The following ROR1 variants were observed in gnomAD, a reference collection of about 807,000 sequenced individuals.
The protein encoded by ROR1 is ROR family WNT receptor 1.
Under a neutral mutation model 78.8 loss-of-function variants are expected in ROR1, and 19 were observed. That is an observed-to-expected ratio of 0.24 (90% confidence interval 0.17 to 0.35). The LOEUF is 0.35. Ranked by LOEUF, ROR1 falls within the 10% of genes least tolerant of loss-of-function variation. ROR1 has a pLI of 1.00. For missense variants in ROR1, 917 were observed against 1,177.8 expected, an observed-to-expected ratio of 0.78 and a Z score of 3.24; for synonymous variants, 386 against 433.6, an observed-to-expected ratio of 0.89 and a Z score of 1.36.
At chr1:63,936,186 C>T (rs1645793135) in intron 1 of ROR1, among the ~76,000 whole-genome samples, 1 of 152,216 alleles carries the variant, frequency 6.6e-6, no homozygotes, top group Admixed American at 6.5e-5. Flanking sequence ...ACTATTGGTG[C>T]TTTCCAGCTG....
chr1:64,060,780 G>A (rs921917329), intron 4 of ROR1, among the ~76,000 whole-genome samples: 13 of 152,200 alleles, frequency 8.5e-5, no homozygotes, highest in Admixed American at 6.5e-4. Context: ...GAGGGAATGT[G>A]TGGAGAGATT....
intron 1 of ROR1, among the ~76,000 whole-genome samples, chr1:63,872,159 A>G (rs187434443): frequency 2.0e-5 from 3 of 152,340 alleles, no homozygotes; most frequent in East Asian, 3.9e-4. Context: ...ATTTTATGCC[A>G]GGGTGGTCTA....
Position 63,858,544 on chromosome 1 carries a change from C to T in ROR1, c.91+84036C>T, listed in dbSNP as rs78950787. Among the ~76,000 whole-genome samples, 346 of 152,318 alleles carry T rather than the reference C, an allele frequency of 2.3e-3. 1 individual carries two copies. Among genetic ancestry groups the T allele is most frequent in the African/African-American group, 8.1e-3 (337 of 41,576 alleles). On this transcript the variant is annotated intron_variant, in intron 1 of 8. Coordinates refer to ENST00000371079, the MANE Select transcript of ROR1 (RefSeq NM_005012.4). ...ATTAGACCCTACCACTTTAAAAAAT[C>T]TGACTTTTTGCTTAAAGTGTAAACT...
chr1:64,058,198 A>T (rs569574421), intron 4 of ROR1, among the ~76,000 whole-genome samples: 2 of 152,230 alleles, frequency 1.3e-5, no homozygotes, highest in South Asian at 4.1e-4. Context: ...ACCCTTGCTA[A>T]CTTGCTTCTT....
intron 4 of ROR1, among the ~76,000 whole-genome samples, chr1:64,102,105 G>A (rs537820754): frequency 6.6e-6 from 1 of 152,158 alleles, no homozygotes; most frequent in Non-Finnish European, 1.5e-5. Flanking sequence ...GGGCTGGGGA[G>A]AGGTCTGGAG....
At chr1:64,140,551 A>G in intron 6 of ROR1, 125 bp downstream of exon 6, 1 of 831,536 alleles carries the variant, frequency 1.2e-6, no homozygotes, top group Non-Finnish European at 1.9e-6. Flanking sequence ...CAATGGGCTG[A>G]GTACTGTGCC....
At chr1:64,097,183 A>ATTT (rs5774680) in intron 4 of ROR1, among the ~76,000 whole-genome samples, 5 of 150,612 alleles carry the variant, frequency 3.3e-5, no homozygotes, top group South Asian at 2.1e-4. Flanking sequence ...GGGAGAATCC[A>ATTT]TTTTTTTTTT....
chr1:63,918,772 G>C (rs1247162435), intron 1 of ROR1, among the ~76,000 whole-genome samples: 1 of 152,168 alleles, frequency 6.6e-6, no homozygotes, highest in Non-Finnish European at 1.5e-5. Context: ...GCCCACACAA[G>C]TAGTGAGGCA....
intron 1 of ROR1, among the ~76,000 whole-genome samples, chr1:63,826,660 A>G (rs1644955337): frequency 6.6e-6 from 1 of 152,010 alleles, no homozygotes; most frequent in Non-Finnish European, 1.5e-5. Context: ...GTCTTTGAGG[A>G]GTCACCACAC....
intron 7 of ROR1, 50 bp downstream of exon 7, chr1:64,142,700 C>A: frequency 1.2e-6 from 2 of 1,602,512 alleles, no homozygotes; most frequent in Non-Finnish European, 1.7e-6. Flanking sequence ...TTAAAGATCC[C>A]TATCCTACCC....
chr1:64,068,838 G>A (rs1646978899), intron 4 of ROR1, among the ~76,000 whole-genome samples: 1 of 152,054 alleles, frequency 6.6e-6, no homozygotes, highest in African/African-American at 2.4e-5. Flanking sequence ...ACATTTCTTT[G>A]TGAATTTGGA....
At chr1:63,876,189 A>G (rs182934065) in intron 1 of ROR1, among the ~76,000 whole-genome samples, 158 of 152,238 alleles carry the variant, frequency 1.0e-3, no homozygotes, top group African/African-American at 3.7e-3. Flanking sequence ...GAATGTTTCT[A>G]ATAAGATGGA....
intron 2 of ROR1, among the ~76,000 whole-genome samples, chr1:64,036,406 C>T (rs1007088570): frequency 1.1e-4 from 17 of 152,160 alleles, no homozygotes; most frequent in African/African-American, 3.9e-4. Context: ...TGGGGTTTCC[C>T]ATCTGGAGGG....
chr1:64,118,277 T>C (rs903970398), intron 4 of ROR1, among the ~76,000 whole-genome samples: 1 of 152,162 alleles, frequency 6.6e-6, no homozygotes, highest in Admixed American at 6.5e-5. Context: ...TCATAATAAA[T>C]GTAAACATTG....
chr1:63,829,919 A>G (rs1315174801), intron 1 of ROR1, among the ~76,000 whole-genome samples: 8 of 152,116 alleles, frequency 5.3e-5, no homozygotes, highest in African/African-American at 1.9e-4. Flanking sequence ...TTGTGAAAAC[A>G]GTGAAAGGGC....
At chr1:63,809,600 C>G (rs950081070) in intron 1 of ROR1, among the ~76,000 whole-genome samples, 1 of 152,118 alleles carries the variant, frequency 6.6e-6, no homozygotes, top group Non-Finnish European at 1.5e-5. Context: ...CTTAAGCAAA[C>G]GTGAATGTAC....
intron 4 of ROR1, among the ~76,000 whole-genome samples, chr1:64,091,031 T>G (rs1647192628): frequency 6.6e-6 from 1 of 152,200 alleles, no homozygotes; most frequent in African/African-American, 2.4e-5. Context: ...AGTTAAATAC[T>G]TTTTTAAAGA....
At chr1:63,785,505 A>ATATATATATATAT (rs1557495029) in intron 1 of ROR1, among the ~76,000 whole-genome samples, 1 of 68,356 alleles carries the variant, frequency 1.5e-5, no homozygotes, top group African/African-American at 2.9e-4. Context: ...TATTTTATTT[A>ATATATATATATAT]TTTATTTATT....
intron 4 of ROR1, among the ~76,000 whole-genome samples, chr1:64,136,516 G>A (rs911330043): frequency 2.0e-5 from 3 of 151,912 alleles, no homozygotes; most frequent in African/African-American, 7.3e-5. Flanking sequence ...GTAGGCCCTC[G>A]TGGGAGATGG....
Sources: gnomAD v4.1 joint callset for allele counts (sites outside exome capture counted in the v4.1 genomes callset) on GRCh38, gnomAD v4.1.1 for gene constraint, MANE v1.5 for transcripts, NCBI Gene and HGNC (gene_info 2026-07-23, HGNC 2026-07-21) for gene names.